ARPC1A: variants seen among roughly 807,000 people sequenced by gnomAD.
ARPC1A encodes the protein actin-related protein 2/3 complex subunit 1A.
A neutral mutation model predicts 46.9 loss-of-function variants in ARPC1A; 8 were observed. The ratio of observed to expected loss-of-function variants is 0.17; its 90% confidence interval spans 0.10 to 0.31. The LOEUF (loss-of-function observed/expected upper bound fraction) is 0.31. ARPC1A is among the 10% of genes least tolerant of loss of function. The pLI is 1.00. For missense variants in ARPC1A, 286 were observed against 483.6 expected, an observed-to-expected ratio of 0.59 and a Z score of 3.83; for synonymous variants, 152 against 169.0, an observed-to-expected ratio of 0.90 and a Z score of 0.78.
chr7:99,363,772 T>A, intron 9 of ARPC1A, 139 bp downstream of exon 9: 1 of 623,960 alleles, frequency 1.6e-6, no homozygotes, highest in Non-Finnish European at 2.7e-6. Context: ...ACTCCTTGCC[T>A]CCAGCAGCCC....
At chr7:99,358,130 G>A (rs766861603) in intron 6 of ARPC1A, among the ~76,000 whole-genome samples, 50 of 152,312 alleles carry the variant, frequency 3.3e-4, no homozygotes, top group East Asian at 7.7e-4. Context: ...TGTCGTCAGT[G>A]GGCAGGGCCT....
intron 9 of ARPC1A, 145 bp downstream of exon 9, chr7:99,363,778 A>G (rs886715440): frequency 3.3e-6 from 2 of 615,166 alleles, no homozygotes; most frequent in Non-Finnish European, 5.6e-6. Flanking sequence ...TGCCTCCAGC[A>G]GCCCTCCCAC....
intron 6 of ARPC1A, among the ~76,000 whole-genome samples, chr7:99,357,035 T>C (rs1793648544): frequency 6.6e-6 from 1 of 152,250 alleles, no homozygotes; most frequent in Non-Finnish European, 1.5e-5. Context: ...TACATTTTTA[T>C]ATACATTTGG....
intron 1 of ARPC1A, among the ~76,000 whole-genome samples, chr7:99,330,295 T>C (rs1793124575): frequency 6.6e-6 from 1 of 151,890 alleles, no homozygotes; most frequent in Non-Finnish European, 1.5e-5. Flanking sequence ...TACCTTTGGG[T>C]TCCCCCCCCC....
At chr7:99,328,713 G>C (rs1793094030) in intron 1 of ARPC1A, among the ~76,000 whole-genome samples, 1 of 152,164 alleles carries the variant, frequency 6.6e-6, no homozygotes, top group African/African-American at 2.4e-5. Flanking sequence ...ACTTTGGGAG[G>C]CTGAAGTGGG....
chr7:99,345,273 T>C (rs1793427741), intron 4 of ARPC1A, among the ~76,000 whole-genome samples: 1 of 152,108 alleles, frequency 6.6e-6, no homozygotes, highest in Admixed American at 6.6e-5. Flanking sequence ...CAAATCTGTG[T>C]CTTGGTGTAA....
intron 2 of ARPC1A, among the ~76,000 whole-genome samples, chr7:99,334,608 T>C (rs1379079969): frequency 6.6e-6 from 1 of 152,164 alleles, no homozygotes; most frequent in Non-Finnish European, 1.5e-5. Context: ...AATTTTTGTG[T>C]ATCCTGTAAG....
chr7:99,352,209 G>A (rs896939612), intron 5 of ARPC1A, among the ~76,000 whole-genome samples: 3 of 152,188 alleles, frequency 2.0e-5, no homozygotes, highest in Admixed American at 2.0e-4. Flanking sequence ...AAAGAATGCT[G>A]TGGCCATTTA....
At chr7:99,337,838 G>A (rs1433370987) in intron 2 of ARPC1A, among the ~76,000 whole-genome samples, 1 of 152,080 alleles carries the variant, frequency 6.6e-6, no homozygotes, top group Non-Finnish European at 1.5e-5. Context: ...TATTGCACAG[G>A]TGAATGAAAC....
chr7:99,360,385 C>A (rs1793718425), intron 8 of ARPC1A: 1 of 150,448 alleles, frequency 6.6e-6, no homozygotes. Context: ...GAGTGCAATG[C>A]CACAATCTCG....
At chr7:99,358,533 TC>T in intron 7 of ARPC1A, 118 bp downstream of exon 7, 3 of 545,670 alleles carry the variant, frequency 5.5e-6, no homozygotes, top group Non-Finnish European at 9.0e-6. Context: ...GAAACAGAGC[TC>T]ACTTTTTTTT....
intron 5 of ARPC1A, among the ~76,000 whole-genome samples, chr7:99,349,208 A>G (rs1056553127): frequency 2.0e-5 from 3 of 151,834 alleles, no homozygotes; most frequent in Non-Finnish European, 4.4e-5. Context: ...ATGCCACCAC[A>G]CCTGGCTAAT....
chr7:99,360,833 C>T (rs901982901), intron 8 of ARPC1A, among the ~76,000 whole-genome samples: 2 of 150,008 alleles, frequency 1.3e-5, no homozygotes, highest in South Asian at 2.1e-4. Context: ...CCCAGCTACT[C>T]GGCAGGCTGA....
At position 99,350,386 on chromosome 7, in the gene ARPC1A, G is replaced by A. The variant is rs191441469; in HGVS notation, c.500+1427G>A. 2.9e-3 allele frequency among the ~76,000 whole-genome samples: 443 copies of A among 152,242 alleles called. 3 individuals are homozygous for A. The highest frequency in any genetic ancestry group is 3.1e-3 in the Non-Finnish European group (213 of 68,018). ...TTAATAAAACATAGCTAAACAGTGC[G>A]CTGCTAAGCTGTTATTGTGCTGTTC... On this transcript the variant is annotated intron_variant, in intron 5 of 9. Transcript: ENST00000262942.
intron 3 of ARPC1A, among the ~76,000 whole-genome samples, chr7:99,341,732 GT>G (rs1247104228): frequency 6.6e-6 from 1 of 151,914 alleles, no homozygotes; most frequent in Non-Finnish European, 1.5e-5. Flanking sequence ...TTAGTTATGT[GT>G]TTTTTTCCCT....
chr7:99,346,662 C>T (rs1414641933), intron 4 of ARPC1A, among the ~76,000 whole-genome samples: 1 of 152,100 alleles, frequency 6.6e-6, no homozygotes, highest in Non-Finnish European at 1.5e-5. Context: ...ATTTTGCTTG[C>T]CATCTTTTCC....
intron 2 of ARPC1A, 72 bp downstream of exon 2, chr7:99,333,489 G>T: frequency 2.3e-6 from 3 of 1,325,038 alleles, no homozygotes; most frequent in Non-Finnish European, 2.2e-6. Flanking sequence ...CACATTTAGG[G>T]CTCACATATC....
intron 8 of ARPC1A, among the ~76,000 whole-genome samples, chr7:99,362,338 T>C (rs556958738): frequency 0.11 from 13,568 of 124,492 alleles, 1,048 homozygotes; most frequent in East Asian, 0.3. Flanking sequence ...CCGCCCCCCT[T>C]TTTTTTTTTT....
chr7:99,362,256 T>G (rs1207711544), intron 8 of ARPC1A, among the ~76,000 whole-genome samples: 1 of 150,668 alleles, frequency 6.6e-6, no homozygotes, highest in Non-Finnish European at 1.5e-5. Flanking sequence ...ATCGCACCAC[T>G]GCACTCCAGC....
Sources: gnomAD v4.1 joint callset for allele counts (sites outside exome capture counted in the v4.1 genomes callset) on GRCh38, gnomAD v4.1.1 for gene constraint, MANE v1.5 for transcripts, NCBI Gene and HGNC (gene_info 2026-07-23, HGNC 2026-07-21) for gene names.